Variants in PSPC1 observed in about 807,000 individuals in gnomAD.
PSPC1 encodes paraspeckle protein 1.
PSPC1 carries 14 observed loss-of-function variants against 51.6 expected under a neutral mutation model. That is an observed-to-expected ratio of 0.27 (90% CI 0.18 to 0.42). The LOEUF (loss-of-function observed/expected upper bound fraction) is 0.42. Among genes scored for constraint, PSPC1 ranks in the 10% least tolerant of loss-of-function variants. PSPC1 has a pLI of 1.00. For missense variants in PSPC1, 406 were observed against 701.1 expected (o/e 0.58, Z 4.75); for synonymous variants, 193 against 231.9 (o/e 0.83, Z 1.53).
At chr13:19,753,195 ATCGCTTGAAC>A (rs1252759131) in intron 3 of PSPC1, among the ~76,000 whole-genome samples, 3 of 150,236 alleles carry the variant, frequency 2.0e-5, no homozygotes, top group Non-Finnish European at 4.4e-5. Flanking sequence ...AGGCAGGAGA[ATCGCTTGAAC>A]TCGGGAGACG....
intron 6 of PSPC1, among the ~76,000 whole-genome samples, chr13:19,726,296 C>T (rs1883351947): frequency 6.6e-6 from 1 of 152,142 alleles, no homozygotes; most frequent in Non-Finnish European, 1.5e-5. Flanking sequence ...CATTTCAATA[C>T]AAGGCCAGTA....
intron 6 of PSPC1, among the ~76,000 whole-genome samples, chr13:19,694,164 TATACATACAC>T (rs1386422648): frequency 1.6e-4 from 21 of 131,408 alleles, no homozygotes; most frequent in Non-Finnish European, 2.7e-4. Context: ...TATATATATA[TATACATACAC>T]ACATACACAC....
At chr13:19,770,382 G>A (rs768803120) in intron 2 of PSPC1, among the ~76,000 whole-genome samples, 9 of 152,160 alleles carry the variant, frequency 5.9e-5, no homozygotes, top group Non-Finnish European at 8.8e-5. Flanking sequence ...GAGCTCAGCC[G>A]GGTGAAGTGG....
intron 6 of PSPC1, among the ~76,000 whole-genome samples, chr13:19,683,928 G>A (rs1877564754): frequency 6.6e-6 from 1 of 152,038 alleles, no homozygotes; most frequent in South Asian, 2.1e-4. Flanking sequence ...GTTGAATAAA[G>A]TACAATATGA....
At chr13:19,707,047 G>A (rs573442321) in intron 7 of PSPC1, among the ~76,000 whole-genome samples, 13 of 152,126 alleles carry the variant, frequency 8.5e-5, no homozygotes, top group African/African-American at 2.7e-4. Context: ...TAGACATGAA[G>A]AGAATATAAG....
intron 2 of PSPC1, among the ~76,000 whole-genome samples, chr13:19,763,263 C>T (rs1783490767): frequency 6.6e-6 from 1 of 152,132 alleles, no homozygotes; most frequent in Non-Finnish European, 1.5e-5. Flanking sequence ...TCAAGATATC[C>T]TCTCGCTTCA....
chr13:19,709,449 T>G (rs1881129548), intron 7 of PSPC1, 93 bp downstream of exon 7: 1 of 974,108 alleles, frequency 1.0e-6, no homozygotes, highest in African/African-American at 1.6e-5. Flanking sequence ...GTTCTGTATT[T>G]TAGTTTCTTA....
chr13:19,708,550 A>G (rs1188008443), intron 7 of PSPC1, among the ~76,000 whole-genome samples: 2 of 152,154 alleles, frequency 1.3e-5, no homozygotes, highest in East Asian at 3.8e-4. Flanking sequence ...ACTTGGCATT[A>G]TTTCCCTTGC....
At chr13:19,685,588 G>A (rs992554425) in intron 6 of PSPC1, among the ~76,000 whole-genome samples, 1 of 152,148 alleles carries the variant, frequency 6.6e-6, no homozygotes, top group Non-Finnish European at 1.5e-5. Context: ...GACAGAAAGA[G>A]CACTGAAATT....
chr13:19,775,649 G>T (rs1412724825), intron 1 of PSPC1, among the ~76,000 whole-genome samples: 1 of 152,194 alleles, frequency 6.6e-6, no homozygotes, highest in African/African-American at 2.4e-5. Flanking sequence ...AGTAACAGTA[G>T]TAGCAGCAAG....
chr13:19,718,544 G>A (rs151139360), intron 6 of PSPC1, among the ~76,000 whole-genome samples: 5 of 152,164 alleles, frequency 3.3e-5, no homozygotes, highest in African/African-American at 9.6e-5. Flanking sequence ...AATACAAACA[G>A]GTGTAACCAT....
At position 19,782,545 on chromosome 13, in the gene PSPC1, G is replaced by C. The variant is rs771742485; in HGVS notation, c.213C>G (p.Leu71=). The change falls in exon 1 of 9, where the codon CTC becomes CTG. Residue 71 remains leucine, a synonymous_variant. Coordinates refer to ENST00000338910, the MANE Select transcript of PSPC1 (RefSeq NM_001354909.2). This position sits in a 1 kb window ranked among gnomAD's most constrained non-coding sequence, Gnocchi z 4.5. Reference sequence around the variant, plus strand: ...GCGTGTACGTCTTCTCGCCCGGCTTGAGGAAACTCTTGATGTCGATAGTGA... The same window carrying C: ...GCGTGTACGTCTTCTCGCCCGGCTTCAGGAAACTCTTGATGTCGATAGTGA... ...MGFTIDIKSF[L]KPGEKTYTQR... The C allele has an allele frequency of 1.8e-5, 29 of 1,612,960 alleles. No individual in the cohort carries two copies. The highest frequency in any genetic ancestry group is 2.5e-5 in the Non-Finnish European group (29 of 1,179,592).
chr13:19,731,580 A>G (rs1884127473), intron 5 of PSPC1, among the ~76,000 whole-genome samples: 1 of 152,094 alleles, frequency 6.6e-6, no homozygotes, highest in Non-Finnish European at 1.5e-5. Flanking sequence ...TGTCCAGATA[A>G]TGTTTTGTAC....
rs112125314 is a variant in PSPC1 at position 19,754,854 on chromosome 13, C to T, written c.771-3387G>A. On this transcript the variant is annotated intron_variant, in intron 3 of 8. Transcript: ENST00000338910. ...TAGTTCTCTAACTCCCAAATCCAAA[C>T]GTATGCTTTATTTCAAATTTGTAAT... 5.4e-3 allele frequency among the ~76,000 whole-genome samples: 817 copies of T among 152,228 alleles called. 9 individuals are homozygous for T. The highest frequency in any genetic ancestry group is 0.018 in the African/African-American group (728 of 41,540).
At chr13:19,676,559 G>A (rs1036839468) in intron 7 of PSPC1, among the ~76,000 whole-genome samples, 29 of 152,128 alleles carry the variant, frequency 1.9e-4, no homozygotes, top group African/African-American at 5.5e-4. Context: ...AGAAAGAAAC[G>A]TCTTCATTAG....
At chr13:19,759,662 A>ACCATCCAGG (rs1422204337) in intron 2 of PSPC1, among the ~76,000 whole-genome samples, 2 of 152,052 alleles carry the variant, frequency 1.3e-5, no homozygotes, top group African/African-American at 4.8e-5. Context: ...GGAGTTCAAG[A>ACCATCCAGG]CCATCCAGGC....
intron 1 of PSPC1, among the ~76,000 whole-genome samples, chr13:19,777,490 T>G (rs2138357949): frequency 1.3e-5 from 2 of 149,442 alleles, no homozygotes; most frequent in East Asian, 2.0e-4. Flanking sequence ...AATGGCGAGC[T>G]GTCTCTGATG....
intron 3 of PSPC1, among the ~76,000 whole-genome samples, chr13:19,756,975 A>G (rs1362636807): frequency 2.0e-5 from 3 of 151,070 alleles, no homozygotes; most frequent in Non-Finnish European, 4.4e-5. Flanking sequence ...TAAAAATACA[A>G]AAAAATTAGC....
At chr13:19,762,676 T>C (rs1009347096) in intron 2 of PSPC1, among the ~76,000 whole-genome samples, 2 of 152,258 alleles carry the variant, frequency 1.3e-5, no homozygotes, top group African/African-American at 4.8e-5. Flanking sequence ...CTTATTTTTA[T>C]TTATTGGAAC....
Sources: gnomAD v4.1 joint callset for allele counts (sites outside exome capture counted in the v4.1 genomes callset) on GRCh38, gnomAD v4.1.1 for gene constraint, Gnocchi (gnomAD v3.1) non-coding constraint, MANE v1.5 for transcripts, NCBI Gene and HGNC (gene_info 2026-07-23, HGNC 2026-07-21) for gene names.